STPG2: variants seen among roughly 807,000 people sequenced by gnomAD.
STPG2 encodes the protein sperm-tail PG-rich repeat-containing protein 2.
A neutral mutation model predicts 54.2 loss-of-function variants in STPG2; 56 were observed. The ratio of observed to expected loss-of-function variants is 1.03; its 90% confidence interval spans 0.83 to 1.29. The LOEUF (loss-of-function observed/expected upper bound fraction) is 1.29. STPG2 is among the 50% of genes most tolerant of loss of function. STPG2 has a pLI of 0.00. For missense variants in STPG2, 596 were observed against 544.9 expected (o/e 1.09, Z -0.93); for synonymous variants, 200 against 181.8 (o/e 1.10, Z -0.81).
intron 4 of STPG2, among the ~76,000 whole-genome samples, chr4:97,502,179 C>A (rs1161014556): frequency 6.6e-6 from 1 of 151,556 alleles, no homozygotes; most frequent in Non-Finnish European, 1.5e-5. Flanking sequence ...ATTTCTAAGA[C>A]CTGAGGATCT....
chr4:97,566,156 C>T (rs1053522751), intron 10 of STPG2, among the ~76,000 whole-genome samples: 1 of 152,184 alleles, frequency 6.6e-6, no homozygotes, highest in African/African-American at 2.4e-5. Context: ...GCCTCTCCCC[C>T]AGCCTCGCTG....
At chr4:97,561,856 C>T (rs139159218) in intron 10 of STPG2, among the ~76,000 whole-genome samples, 1 of 151,984 alleles carries the variant, frequency 6.6e-6, no homozygotes, top group Non-Finnish European at 1.5e-5. Context: ...TTGTAGTATA[C>T]TTTGAAGTCA....
At chr4:97,476,173 T>C (rs558330066) in intron 4 of STPG2, among the ~76,000 whole-genome samples, 2 of 152,276 alleles carry the variant, frequency 1.3e-5, no homozygotes, top group East Asian at 1.9e-4. Flanking sequence ...CTATACAGCA[T>C]TGTGGCATGT....
At chr4:97,592,784 C>A (rs1411342018) in intron 10 of STPG2, among the ~76,000 whole-genome samples, 1 of 152,104 alleles carries the variant, frequency 6.6e-6, no homozygotes, top group East Asian at 1.9e-4. Context: ...GCAAGATGAT[C>A]CCCTCTCACC....
chr4:97,991,469 A>AT (rs1401042267), intron 5 of STPG2, among the ~76,000 whole-genome samples: 1 of 148,928 alleles, frequency 6.7e-6, no homozygotes, highest in African/African-American at 2.5e-5. Flanking sequence ...GTATATATAT[A>AT]TATGTATATA....
At chr4:97,711,261 A>G (rs1724108646) in intron 10 of STPG2, among the ~76,000 whole-genome samples, 1 of 152,132 alleles carries the variant, frequency 6.6e-6, no homozygotes, top group Non-Finnish European at 1.5e-5. Context: ...AAAGTACCCA[A>G]CTTATCAAGA....
At chr4:97,542,563 G>A (rs1397303096) in intron 4 of STPG2, among the ~76,000 whole-genome samples, 4 of 152,120 alleles carry the variant, frequency 2.6e-5, no homozygotes, top group South Asian at 2.1e-4. Context: ...ACAGTGTGGC[G>A]ATTCCTCAGG....
At chr4:97,492,916 T>A (rs1279241157) in intron 4 of STPG2, among the ~76,000 whole-genome samples, 1 of 149,284 alleles carries the variant, frequency 6.7e-6, no homozygotes, top group Non-Finnish European at 1.5e-5. Flanking sequence ...ACCTTAGCAC[T>A]CTCCAGTCAA....
chr4:98,127,161 T>C (rs1251046718), intron 3 of STPG2, among the ~76,000 whole-genome samples: 1 of 151,818 alleles, frequency 6.6e-6, no homozygotes, highest in Non-Finnish European at 1.5e-5. Flanking sequence ...GGGAGAGGAA[T>C]GAAGACAGGA....
At chr4:97,885,441 G>C (rs1047173865) in intron 8 of STPG2, among the ~76,000 whole-genome samples, 2 of 152,114 alleles carry the variant, frequency 1.3e-5, no homozygotes, top group African/African-American at 4.8e-5. Flanking sequence ...AAGACAAAGA[G>C]AAAATAGAAT....
rs756785458 is a variant in STPG2, at chr4:97,442,216, TG to T, written c.463-254384del. 6.0e-3 allele frequency among the ~76,000 whole-genome samples: 903 copies of T among 151,214 alleles called. 4 individuals carry two copies. Among genetic ancestry groups the T allele is most frequent in the South Asian group, 0.02 (97 of 4,798 alleles). On this transcript the variant is annotated intron_variant, in intron 4 of 4. Transcript: ENST00000522676. The stretch of plus-strand genomic sequence containing the variant: ...GCTATATCACTTTTACTACATGACA[TG>T]TTTTTTTTTGTTTTTTTTTTATTCA...
At chr4:97,963,489 T>C (rs1046201018) in intron 7 of STPG2, among the ~76,000 whole-genome samples, 6 of 151,948 alleles carry the variant, frequency 3.9e-5, no homozygotes, top group African/African-American at 1.2e-4. Flanking sequence ...CTTGTCTCTA[T>C]GAAAAATTTT....
intron 10 of STPG2, among the ~76,000 whole-genome samples, chr4:97,698,447 C>T (rs1258056617): frequency 6.6e-6 from 1 of 152,134 alleles, no homozygotes; most frequent in African/African-American, 2.4e-5. Context: ...AGGAGGAGCA[C>T]AAAGTGTCCA....
chr4:97,486,829 GTATA>G lies in STPG2; in HGVS notation c.462+225866_462+225869del, dbSNP rs1290804763. ...GGTGTGTGTGTGTGTGTGTGTGTGT[GTATA>G]TATATATATATATATGTATGTATAC... On this transcript the variant is annotated intron_variant, in intron 4 of 4. Coordinates refer to the STPG2 transcript ENST00000522676. Among the ~76,000 whole-genome samples the G allele has an allele frequency of 7.1e-4, 64 of 90,250 alleles. 1 individual carries two copies. Among genetic ancestry groups the G allele is most frequent in the Admixed American group, 2.2e-3 (19 of 8,828 alleles). 59.2% of individuals were successfully genotyped at this position (90,250 alleles called of 152,430 possible).
intron 9 of STPG2, among the ~76,000 whole-genome samples, chr4:97,721,471 TC>T (rs1724446323): frequency 1.3e-5 from 2 of 152,114 alleles, no homozygotes; most frequent in Admixed American, 6.5e-5. Context: ...CAAATGGATA[TC>T]TTTTACAAAC....
At chr4:97,708,578 T>G (rs1249074447) in intron 10 of STPG2, among the ~76,000 whole-genome samples, 2 of 151,966 alleles carry the variant, frequency 1.3e-5, no homozygotes, top group Non-Finnish European at 2.9e-5. Context: ...GGTATAAAAC[T>G]ATCTTTATAA....
chr4:98,115,444 A>T (rs1285757741), intron 3 of STPG2, among the ~76,000 whole-genome samples: 1 of 151,968 alleles, frequency 6.6e-6, no homozygotes, highest in Non-Finnish European at 1.5e-5. Context: ...GTTATATAAA[A>T]TAACTTTTTT....
At chr4:97,616,113 T>C (rs1733868204) in intron 10 of STPG2, among the ~76,000 whole-genome samples, 1 of 85,742 alleles carries the variant, frequency 1.2e-5, no homozygotes, top group African/African-American at 3.3e-5. Context: ...TATTTAATAG[T>C]AAGACAAAAT....
At chr4:98,013,906 T>C (rs1735840855) in intron 5 of STPG2, among the ~76,000 whole-genome samples, 1 of 152,114 alleles carries the variant, frequency 6.6e-6, no homozygotes, top group African/African-American at 2.4e-5. Context: ...TGTTAATTTT[T>C]TCAAAACAAA....
Sources: gnomAD v4.1 joint callset for allele counts (sites outside exome capture counted in the v4.1 genomes callset) on GRCh38, gnomAD v4.1.1 for gene constraint, MANE v1.5 for transcripts, NCBI Gene and HGNC (gene_info 2026-07-23, HGNC 2026-07-21) for gene names.